SPATA16: variants seen among roughly 807,000 people sequenced by gnomAD.
The protein encoded by SPATA16 is spermatogenesis-associated protein 16.
Under a neutral mutation model 63.3 loss-of-function variants are expected in SPATA16, and 36 were observed. That is an observed-to-expected ratio of 0.57 (90% CI 0.44 to 0.75). The LOEUF (loss-of-function observed/expected upper bound fraction) is 0.75. Ranked by LOEUF, SPATA16 falls within the 30% of genes least tolerant of loss-of-function variation. The pLI, the probability that SPATA16 is intolerant of heterozygous loss-of-function variation, is 0.00. For synonymous variants in SPATA16, 203 were observed against 216.7 expected, an observed-to-expected ratio of 0.94 and a Z score of 0.56; for missense variants, 646 against 679.3, an observed-to-expected ratio of 0.95 and a Z score of 0.54.
At chr3:173,107,767 G>A (rs1222626478) in intron 2 of SPATA16, among the ~76,000 whole-genome samples, 1 of 152,136 alleles carries the variant, frequency 6.6e-6, no homozygotes, top group Non-Finnish European at 1.5e-5. Context: ...CTGGAATGGG[G>A]TCCGTAACAG....
chr3:173,078,744 A>G (rs981023389), intron 2 of SPATA16, among the ~76,000 whole-genome samples: 1 of 152,140 alleles, frequency 6.6e-6, no homozygotes, highest in African/African-American at 2.4e-5. Context: ...ATGAATGAGA[A>G]TTGTTTTTTC....
At chr3:173,022,411 T>G (rs1344951548) in intron 3 of SPATA16, among the ~76,000 whole-genome samples, 1 of 152,158 alleles carries the variant, frequency 6.6e-6, no homozygotes, top group African/African-American at 2.4e-5. Flanking sequence ...ATTTGGTAAT[T>G]TGAGATGAAA....
intron 2 of SPATA16, among the ~76,000 whole-genome samples, chr3:173,112,146 A>AT (rs1404982154): frequency 1.3e-5 from 2 of 152,272 alleles, no homozygotes; most frequent in Admixed American, 6.5e-5. Flanking sequence ...CACTTAAAAC[A>AT]TTTTTTTATG....
intron 6 of SPATA16, among the ~76,000 whole-genome samples, chr3:172,947,305 CTCTT>C (rs3084868): frequency 6.4e-5 from 9 of 141,638 alleles, no homozygotes; most frequent in African/African-American, 2.0e-4. Context: ...TTCAAATAAA[CTCTT>C]TATGCCCAGA....
intron 10 of SPATA16, among the ~76,000 whole-genome samples, chr3:172,899,019 A>G (rs751890181): frequency 6.6e-6 from 1 of 151,912 alleles, no homozygotes; most frequent in Non-Finnish European, 1.5e-5. Flanking sequence ...GTTTGAGTCC[A>G]TTGCAGTTGT....
intron 6 of SPATA16, among the ~76,000 whole-genome samples, chr3:172,933,459 G>C (rs1732914065): frequency 1.3e-5 from 2 of 152,224 alleles, no homozygotes; most frequent in African/African-American, 4.8e-5. Context: ...CGGGAATTGT[G>C]TGGAAGGGGC....
chr3:173,061,440 T>G (rs181351273), intron 2 of SPATA16, among the ~76,000 whole-genome samples: 42 of 152,308 alleles, frequency 2.8e-4, no homozygotes, highest in Admixed American at 2.0e-3. Flanking sequence ...GCTTCATAGA[T>G]TTTCATAGTT....
intron 6 of SPATA16, among the ~76,000 whole-genome samples, chr3:172,935,751 T>A (rs1457170099): frequency 6.6e-6 from 1 of 152,204 alleles, no homozygotes; most frequent in Non-Finnish European, 1.5e-5. Flanking sequence ...TAAACTTGTT[T>A]GACTTGTTTG....
At chr3:173,080,176 G>C (rs10513707) in intron 2 of SPATA16, among the ~76,000 whole-genome samples, 31,846 of 152,040 alleles carry the variant, frequency 0.21, 3,530 homozygotes, top group South Asian at 0.3. Context: ...CACACCCCTT[G>C]TATTTTGGCA....
At chr3:173,014,174 A>T (rs1052874399) in intron 4 of SPATA16, among the ~76,000 whole-genome samples, 4 of 152,204 alleles carry the variant, frequency 2.6e-5, no homozygotes, top group Non-Finnish European at 5.9e-5. Flanking sequence ...AAAGACATGG[A>T]CTTAACCTTG....
intron 2 of SPATA16, among the ~76,000 whole-genome samples, chr3:173,108,687 G>A (rs759358152): frequency 7.2e-5 from 11 of 152,148 alleles, no homozygotes; most frequent in Non-Finnish European, 1.5e-4. Context: ...CTGTATATAT[G>A]ACAGTAGTCC....
chr3:173,035,597 G>T (rs963363760), intron 3 of SPATA16, among the ~76,000 whole-genome samples: 2 of 151,886 alleles, frequency 1.3e-5, no homozygotes, highest in African/African-American at 4.8e-5. Flanking sequence ...AATGCTTCAG[G>T]GATTACTAAG....
At chr3:173,048,520 C>T (rs1247996793) in intron 3 of SPATA16, among the ~76,000 whole-genome samples, 1 of 152,012 alleles carries the variant, frequency 6.6e-6, no homozygotes, top group Non-Finnish European at 1.5e-5. Context: ...CCAAAGGATC[C>T]TTTGAATCAG....
rs145041365 is a variant in SPATA16, at chr3:173,023,067, A to G, written c.759-3492T>C. Among the ~76,000 whole-genome samples, 1,360 of 151,420 alleles carry G rather than the reference A, an allele frequency of 9.0e-3. 8 individuals are homozygous for G. Among genetic ancestry groups the G allele is most frequent in the Non-Finnish European group, 0.013 (879 of 67,782 alleles). On this transcript the variant is annotated intron_variant, in intron 3 of 10. Transcript: ENST00000351008. ...ACCTGTGGTAAATCTTGTGCTTTTT[A>G]TGATTTCTATTTGTGGATACTTTAA...
intron 3 of SPATA16, among the ~76,000 whole-genome samples, chr3:173,032,715 T>C (rs1436116644): frequency 6.6e-6 from 1 of 152,124 alleles, no homozygotes; most frequent in Non-Finnish European, 1.5e-5. Context: ...ATAGAGAACA[T>C]TTATTTTTTT....
chr3:173,047,182 T>G (rs919797658), intron 3 of SPATA16, among the ~76,000 whole-genome samples: 1 of 151,858 alleles, frequency 6.6e-6, no homozygotes, highest in South Asian at 2.1e-4. Flanking sequence ...ATAGTGGAAT[T>G]TTTGATCTTT....
rs201406720 is a variant in SPATA16 at position 172,889,697 on chromosome 3, A to G, written c.1588-5T>C. 13 of 1,612,690 alleles carry G rather than the reference A, an allele frequency of 8.1e-6. No individual in the cohort carries two copies. Among genetic ancestry groups the G allele is most frequent in the Admixed American group, 1.7e-5 (1 of 59,994 alleles). ...AAAATCTTCAATTTGTCCAACCTAG[A>G]AGAAATAAACAGATGCAACAAGATT... is the stretch of plus-strand genomic sequence containing the variant. On this transcript the variant is annotated splice_region_variant and splice_polypyrimidine_tract_variant and intron_variant, in intron 10 of 10. Coordinates refer to ENST00000351008, the MANE Select transcript of SPATA16 (RefSeq NM_031955.6).
chr3:173,014,691 A>G (rs187525316), intron 4 of SPATA16, among the ~76,000 whole-genome samples: 54 of 152,358 alleles, frequency 3.5e-4, no homozygotes, highest in Middle Eastern at 6.8e-3. Flanking sequence ...AGTTGAACCT[A>G]CATTCCCATA....
chr3:173,054,816 A>AT (rs1736181141), intron 2 of SPATA16, among the ~76,000 whole-genome samples: 1 of 152,092 alleles, frequency 6.6e-6, no homozygotes, highest in Non-Finnish European at 1.5e-5. Flanking sequence ...CAGAATACAC[A>AT]TTTTTCTTAC....
Sources: gnomAD v4.1 joint callset for allele counts (sites outside exome capture counted in the v4.1 genomes callset) on GRCh38, gnomAD v4.1.1 for gene constraint, MANE v1.5 for transcripts, NCBI Gene and HGNC (gene_info 2026-07-23, HGNC 2026-07-21) for gene names.